Variants in LRTM1 observed in about 807,000 individuals in gnomAD.
LRTM1 encodes the protein leucine-rich repeat and transmembrane domain-containing protein 1.
Under a neutral mutation model 32.4 loss-of-function variants are expected in LRTM1, and 38 were observed. The observed-to-expected ratio is 1.17, with a 90% CI of 0.91 to 1.54. The LOEUF is 1.54. Among genes scored for constraint, LRTM1 ranks in the 40% most tolerant of loss-of-function variants. The pLI is 0.00. For synonymous variants in LRTM1, 186 were observed against 169.9 expected, an observed-to-expected ratio of 1.09 and a Z score of -0.74; for missense variants, 466 against 415.4, an observed-to-expected ratio of 1.12 and a Z score of -1.06.
chr3:54,940,601 T>C (rs567871278), intron 1 of LRTM1, among the ~76,000 whole-genome samples: 105 of 152,312 alleles, frequency 6.9e-4, no homozygotes, highest in Non-Finnish European at 1.3e-3. Context: ...TGCTACAGGC[T>C]ACTCCCAAAC....
chr3:54,939,528 G>A (rs559439082), intron 1 of LRTM1, among the ~76,000 whole-genome samples: 1 of 152,342 alleles, frequency 6.6e-6, no homozygotes, highest in Admixed American at 6.5e-5. Flanking sequence ...GGGAAAAGAG[G>A]GCAGCCTGCT....
rs1190562036 is a variant in LRTM1, at chr3:54,924,762, T to A, written c.461A>T (p.Gln154Leu). The change falls in exon 2 of 3, where the codon CAA (glutamine) becomes CTA (leucine). Residue 154 changes from glutamine to leucine, a missense_variant. Coordinates refer to ENST00000273286, the MANE Select transcript of LRTM1 (RefSeq NM_020678.4). ...TWENLTILAV[Q>L]QNQLQQLDRA... ...ATCAAGCTGCTGAAGCTGGTTTTGT[T>A]GAACCGCAAGTATAGTTAGGTTCTC... 6.2e-7 allele frequency: 1 copy of A among 1,614,008 alleles called. No individual in the cohort carries two copies. Among genetic ancestry groups the A allele is most frequent in the Non-Finnish European group, 8.5e-7 (1 of 1,180,022 alleles).
chr3:54,955,702 C>G (rs1164895121), intron 1 of LRTM1, among the ~76,000 whole-genome samples: 1 of 152,130 alleles, frequency 6.6e-6, no homozygotes, highest in Non-Finnish European at 1.5e-5. Flanking sequence ...GACAGCCTGG[C>G]TCTCCCCTGA....
At chr3:54,953,490 G>A (rs952095028) in intron 1 of LRTM1, among the ~76,000 whole-genome samples, 6 of 152,162 alleles carry the variant, frequency 3.9e-5, no homozygotes, top group East Asian at 1.9e-4. Flanking sequence ...AAGCCTTCGC[G>A]CTTGGTGGTC....
upstream of LRTM1, among the ~76,000 whole-genome samples, chr3:54,931,179 C>T (rs548558286): frequency 6.6e-6 from 1 of 152,296 alleles, no homozygotes; most frequent in East Asian, 1.9e-4. Flanking sequence ...GCTGCTCCCA[C>T]CTAAAACACG....
intron 1 of LRTM1, among the ~76,000 whole-genome samples, chr3:54,926,858 T>C (rs1374196828): frequency 2.0e-5 from 3 of 152,142 alleles, no homozygotes; most frequent in African/African-American, 4.8e-5. Context: ...GGAGAGGGTC[T>C]CTGGAATCCA....
intron 1 of LRTM1, among the ~76,000 whole-genome samples, chr3:54,936,319 C>T (rs1284067109): frequency 6.6e-6 from 1 of 152,142 alleles, no homozygotes; most frequent in Non-Finnish European, 1.5e-5. Flanking sequence ...GAGTATTCTG[C>T]CCGTGGACAG....
Position 54,944,426 on chromosome 3 carries a change from ATTTATTTATTTT to A in LRTM1, c.-221-19223_-221-19212del, listed in dbSNP as rs1391916890. Among the ~76,000 whole-genome samples the A allele has an allele frequency of 2.0e-5, 3 of 150,728 alleles. No individual in the cohort carries two copies. In the East Asian group the frequency reaches 5.8e-4, roughly 29 times the overall value. ...TATTTATTTATTTATTTATTTATTTATTTATTTATTTTGAGACGGAATCTCGCTCTGTCGCCC... is the reference window on the plus strand; with the variant it reads ...TATTTATTTATTTATTTATTTATTTAGAGACGGAATCTCGCTCTGTCGCCC... On this transcript the variant is annotated intron_variant, in intron 1 of 2. Transcript: ENST00000493075.
upstream of LRTM1, among the ~76,000 whole-genome samples, chr3:54,932,789 C>G (rs1701223641): frequency 6.6e-6 from 1 of 152,198 alleles, no homozygotes; most frequent in African/African-American, 2.4e-5. Flanking sequence ...TCATCCAAAC[C>G]ATGTGGTATG....
At chr3:54,954,595 C>G (rs11707318) in intron 1 of LRTM1, among the ~76,000 whole-genome samples, 25,325 of 152,162 alleles carry the variant, frequency 0.17, 2,799 homozygotes, top group African/African-American at 0.31. Flanking sequence ...CTGAGCAGCT[C>G]GTTCAGGAGG....
chr3:54,966,876 A>G (rs568878237), intron 1 of LRTM1: 1 of 152,286 alleles, frequency 6.6e-6, no homozygotes, highest in East Asian at 1.9e-4. Flanking sequence ...TTTCTCTCTA[A>G]CTGCTGACTA....
rs1446786322 is a variant in LRTM1 at position 54,927,820 on chromosome 3, T to C, written c.7+85A>G. 4 of 1,426,934 alleles carry C rather than the reference T, an allele frequency of 2.8e-6. No homozygotes were observed. The South Asian group carries it at 3.4e-5, about 12-fold the overall frequency. The allele number at this position is 1,426,934 out of a possible 1,614,324, so 88.4% of individuals were successfully genotyped here. ...TCTTTTAAGACAGACGACTTGAAAA[T>C]AGATTTCCCGCAGATACCTTTGTGA... is the stretch of plus-strand genomic sequence containing the variant. On this transcript the variant is annotated intron_variant, in intron 1 of 2. Coordinates refer to ENST00000273286, the MANE Select transcript of LRTM1 (RefSeq NM_020678.4).
intron 1 of LRTM1, among the ~76,000 whole-genome samples, chr3:54,963,960 G>A (rs978683243): frequency 6.6e-6 from 1 of 152,222 alleles, no homozygotes; most frequent in East Asian, 1.9e-4. Flanking sequence ...AGCCCTCTTA[G>A]AGTATTGAGA....
At chr3:54,936,525 A>G (rs1365519670) in intron 1 of LRTM1, among the ~76,000 whole-genome samples, 2 of 152,190 alleles carry the variant, frequency 1.3e-5, no homozygotes, top group Admixed American at 1.3e-4. Flanking sequence ...CCCTGCCTTG[A>G]CTTTGCTGCA....
chr3:54,939,238 C>G (rs538765601), intron 1 of LRTM1, among the ~76,000 whole-genome samples: 2 of 152,290 alleles, frequency 1.3e-5, no homozygotes, highest in African/African-American at 2.4e-5. Context: ...ATTTCTCCAC[C>G]ACTCCAGGGT....
intron 1 of LRTM1, among the ~76,000 whole-genome samples, chr3:54,927,591 C>T (rs1220436715): frequency 1.3e-5 from 2 of 152,074 alleles, no homozygotes; most frequent in African/African-American, 4.8e-5. Flanking sequence ...TTTGTTCATT[C>T]TTTCTTTGGT....
chr3:54,943,718 C>G (rs1216938269), intron 1 of LRTM1, among the ~76,000 whole-genome samples: 1 of 150,262 alleles, frequency 6.7e-6, no homozygotes, highest in Non-Finnish European at 1.5e-5. Context: ...GTATTTCTGC[C>G]TATTTCATCT....
intron 1 of LRTM1, among the ~76,000 whole-genome samples, chr3:54,925,852 G>A (rs770871511): frequency 7.8e-4 from 119 of 152,166 alleles, no homozygotes; most frequent in Non-Finnish European, 1.3e-3. Flanking sequence ...GATCTAAAGC[G>A]CTGCTACGTA....
chr3:54,958,465 A>G (rs1443935747), intron 1 of LRTM1, among the ~76,000 whole-genome samples: 1 of 152,226 alleles, frequency 6.6e-6, no homozygotes, highest in Non-Finnish European at 1.5e-5. Flanking sequence ...TACAACCTTG[A>G]TAGTCTTAGA....
Sources: gnomAD v4.1 joint callset for allele counts (sites outside exome capture counted in the v4.1 genomes callset) on GRCh38, gnomAD v4.1.1 for gene constraint, MANE v1.5 for transcripts, NCBI Gene and HGNC (gene_info 2026-07-23, HGNC 2026-07-21) for gene names.